ALDH8A1: variants seen among roughly 807,000 people sequenced by gnomAD.
ALDH8A1 encodes 2-aminomuconic semialdehyde dehydrogenase.
In ALDH8A1, 39 loss-of-function variants were observed where a neutral mutation model predicts 43.3. The observed-to-expected ratio is 0.90, with a 90% CI of 0.70 to 1.18. The LOEUF (loss-of-function observed/expected upper bound fraction) is 1.18, where lower values mean the gene tolerates loss of function less well. Among genes scored for constraint, ALDH8A1 ranks in the 50% most tolerant of loss-of-function variants. The pLI, the probability that ALDH8A1 is intolerant of heterozygous loss-of-function variation, is 0.00. For synonymous variants in ALDH8A1, 233 were observed against 243.5 expected, an observed-to-expected ratio of 0.96 and a Z score of 0.40; for missense variants, 605 against 622.6, an observed-to-expected ratio of 0.97 and a Z score of 0.30.
intron 3 of ALDH8A1, among the ~76,000 whole-genome samples, 177 bp from the exon 4 acceptor site, chr6:134,939,592 T>C (rs1773816033): frequency 6.6e-6 from 1 of 152,228 alleles, no homozygotes; most frequent in African/African-American, 2.4e-5. Context: ...TTCTAAAATA[T>C]ATTCCAAGCA....
At position 134,943,951 on chromosome 6, in the gene ALDH8A1, T is replaced by C. The variant is rs766472403; in HGVS notation, c.154A>G (p.Lys52Glu). 1 of 1,614,058 alleles carries C rather than the reference T, an allele frequency of 6.2e-7. No individual in the cohort carries two copies. Among genetic ancestry groups the C allele is most frequent in the Admixed American group, 1.7e-5 (1 of 60,012 alleles). Residue 52 changes from lysine (K) to glutamate (E), a missense_variant, in exon 2 of 7, where the codon AAG (lysine) becomes GAG (glutamate). Transcript: ENST00000265605. ...SGKDEIEAAV[K>E]AAREAFPSWS... ...CTGGGAAAGGCTTCTCTGGCGGCCT[T>C]GACCGCGGCTTCGATCTTTGAGGAG...
chr6:134,921,127 G>T (rs1240329770), intron 6 of ALDH8A1, among the ~76,000 whole-genome samples: 1 of 152,190 alleles, frequency 6.6e-6, no homozygotes, highest in African/African-American at 2.4e-5. Flanking sequence ...ATGATGAAAT[G>T]ACTGACCCGA....
chr6:134,918,428 G>A lies in ALDH8A1; in HGVS notation c.1451C>T (p.Thr484Ile), dbSNP rs1776741357. The stretch of plus-strand genomic sequence containing the variant: ...CATTAGCAAAGATCAGTGTTTAACG[G>A]TGATGGTTTTGATCTCAGTGAAGAA... ...YDFFTEIKTI[T>I]VKH The change falls in exon 7 of 7, where the codon ACC becomes ATC. Residue 484 changes from threonine to isoleucine, a missense_variant. Physicochemically the swap from Thr to Ile is moderately conservative, Grantham distance 89. Coordinates refer to ENST00000265605, the MANE Select transcript of ALDH8A1 (RefSeq NM_022568.4). The A allele has an allele frequency of 6.2e-7, 1 of 1,614,008 alleles. No homozygotes were observed. The highest frequency in any genetic ancestry group is 8.5e-7 in the Non-Finnish European group (1 of 1,180,002).
rs143030266 is a variant in ALDH8A1, at chr6:134,926,557, C to T, written c.1011+2497G>A. Among the ~76,000 whole-genome samples the T allele has an allele frequency of 1.6e-4, 24 of 152,146 alleles. No homozygotes were observed. In the East Asian group the frequency reaches 4.3e-3, roughly 27 times the overall value. On this transcript the variant is annotated intron_variant, in intron 6 of 6. Coordinates refer to ENST00000265605, the MANE Select transcript of ALDH8A1 (RefSeq NM_022568.4). ...GGCATGGTGGCTCACACCTGTAATC[C>T]CAGCACTTTGGGAGGCCAAGGTGGG...
At chr6:134,928,388 C>G (rs1776921391) in intron 6 of ALDH8A1, among the ~76,000 whole-genome samples, 1 of 152,226 alleles carries the variant, frequency 6.6e-6, no homozygotes, top group Non-Finnish European at 1.5e-5. Context: ...CGTAAATGCT[C>G]TGTCTCTCAT....
rs539938391 is a variant in ALDH8A1 at position 134,944,695 on chromosome 6, T to A, written c.139-729A>T. Among the ~76,000 whole-genome samples the A allele has an allele frequency of 2.2e-4, 33 of 151,594 alleles. 1 individual carries two copies. The South Asian group carries it at 5.8e-3, about 27-fold the overall frequency. ...GCCCAGGAGTTTGAGACCAGCCTGG[T>A]CAACATAGTGAGACCCTGTCTCTAC... On this transcript the variant is annotated intron_variant, in intron 1 of 6. Coordinates refer to ENST00000265605, the MANE Select transcript of ALDH8A1 (RefSeq NM_022568.4).
At chr6:134,946,149 A>T (rs1773945662) in intron 1 of ALDH8A1, among the ~76,000 whole-genome samples, 1 of 152,212 alleles carries the variant, frequency 6.6e-6, no homozygotes, top group Non-Finnish European at 1.5e-5. Flanking sequence ...GAACGAACTA[A>T]TACAGTCACT....
chr6:134,927,927 A>C (rs983344813), intron 6 of ALDH8A1, among the ~76,000 whole-genome samples: 7 of 152,170 alleles, frequency 4.6e-5, no homozygotes, highest in African/African-American at 1.7e-4. Flanking sequence ...GCATCTGGAA[A>C]ATCTTCACTC....
intron 1 of ALDH8A1, among the ~76,000 whole-genome samples, chr6:134,948,623 G>A (rs1773993309): frequency 6.6e-6 from 1 of 152,160 alleles, no homozygotes; most frequent in Non-Finnish European, 1.5e-5. Flanking sequence ...TTTCCTGAGT[G>A]ATGTTTTGGA....
intron 4 of ALDH8A1, among the ~76,000 whole-genome samples, chr6:134,938,172 A>T (rs1433468714): frequency 2.7e-4 from 41 of 152,226 alleles, no homozygotes; most frequent in Non-Finnish European, 8.8e-5. Flanking sequence ...GGCAGCAAGG[A>T]GACCAACTAG....
chr6:134,933,158 G>A lies in ALDH8A1; in HGVS notation c.593-126C>T, dbSNP rs773665985. 7.5e-4 allele frequency: 833 copies of A among 1,111,038 alleles called. 1 individual carries two copies. Among genetic ancestry groups the A allele is most frequent in the Non-Finnish European group, 9.8e-4 (806 of 820,280 alleles). 68.8% of individuals were successfully genotyped at this position (1,111,038 alleles called of 1,614,324 possible). ...GGGTAGGGATGGAGGAAGCACTTGG[G>A]TTTTACAACACTTGGAACTTCTATG... On this transcript the variant is annotated intron_variant, in intron 4 of 6. Transcript: ENST00000265605.
intron 4 of ALDH8A1, among the ~76,000 whole-genome samples, chr6:134,938,771 C>G (rs975363515): frequency 4.6e-5 from 7 of 152,078 alleles, no homozygotes; most frequent in African/African-American, 1.7e-4. Flanking sequence ...CCTCAGTCTC[C>G]CAAGTAGCTG....
chr6:134,946,255 G>T (rs1773947248), intron 1 of ALDH8A1, among the ~76,000 whole-genome samples: 1 of 152,188 alleles, frequency 6.6e-6, no homozygotes, highest in East Asian at 1.9e-4. Context: ...AATCTTGAAT[G>T]TGGACCTGCA....
intron 1 of ALDH8A1, among the ~76,000 whole-genome samples, chr6:134,946,616 T>G (rs1773952632): frequency 1.3e-5 from 2 of 152,204 alleles, no homozygotes; most frequent in Non-Finnish European, 2.9e-5. Flanking sequence ...TTATCCTCAT[T>G]TTATAGATGA....
At chr6:134,936,536 G>A (rs1030981996) in intron 4 of ALDH8A1, among the ~76,000 whole-genome samples, 1 of 152,214 alleles carries the variant, frequency 6.6e-6, no homozygotes, top group Admixed American at 6.5e-5. Flanking sequence ...GGGGCAGGAG[G>A]GGGTGGACTG....
chr6:134,918,239 T>C lies in ALDH8A1; in HGVS notation c.*176A>G, dbSNP rs1435698340. On this transcript the variant is annotated 3_prime_UTR_variant, in exon 7 of 7. Transcript: ENST00000265605. ...TTTTTTTCCGAGTCCACATTGAAAA[T>C]AGACAGTATCTCTTCACTAGTGGGT... 8.1e-6 allele frequency: 5 copies of C among 618,522 alleles called. No homozygotes were observed. Among genetic ancestry groups the C allele is most frequent in the Admixed American group, 3.1e-5 (1 of 32,518 alleles). 38.3% of individuals were successfully genotyped at this position (618,522 alleles called of 1,614,324 possible). A position where few individuals can be genotyped will look rare whatever the true frequency, so the allele number is the denominator to read the frequency against.
At chr6:134,930,105 T>C (rs1299905945) in intron 5 of ALDH8A1, among the ~76,000 whole-genome samples, 2 of 152,084 alleles carry the variant, frequency 1.3e-5, no homozygotes, top group African/African-American at 4.8e-5. Flanking sequence ...GGAGAAGTGA[T>C]GAGATTCAGG....
intron 6 of ALDH8A1, among the ~76,000 whole-genome samples, chr6:134,926,199 C>CTTCTT (rs1178548764): frequency 8.0e-4 from 115 of 144,216 alleles, no homozygotes; most frequent in African/African-American, 2.9e-3. Flanking sequence ...ACTCAGGACC[C>CTTCTT]TTCTTTTTTT....
rs753313800 is a variant in ALDH8A1 at position 134,942,524 on chromosome 6, C to G, written c.327G>C (p.Arg109=). The G allele has an allele frequency of 6.2e-7, 1 of 1,614,160 alleles. No homozygotes were observed. The highest frequency in any genetic ancestry group is 2.2e-5 in the East Asian group (1 of 44,880). ...LALARTMDIP[R]SVQNFRFFAS... ...CGAAGAACCTGAAGTTCTGCACAGA[C>G]CGGGGAATGTCCATGGTTCTTGCCA... The change falls in exon 3 of 7, where the codon CGG becomes CGC. Residue 109 remains arginine (R), a synonymous_variant. Coordinates refer to ENST00000265605, the MANE Select transcript of ALDH8A1 (RefSeq NM_022568.4).
Sources: allele counts gnomAD v4.1 joint callset (sites outside exome capture counted in the v4.1 genomes callset), GRCh38; gene constraint gnomAD v4.1.1; transcripts MANE v1.5; gene names NCBI Gene and HGNC (gene_info 2026-07-23, HGNC 2026-07-21).